Variants in LNX1 observed in about 807,000 individuals in gnomAD.
The protein encoded by LNX1 is E3 ubiquitin-protein ligase LNX.
Under a neutral mutation model 68.4 loss-of-function variants are expected in LNX1, and 54 were observed. The observed-to-expected ratio is 0.79, with a 90% CI of 0.63 to 0.99. The LOEUF is 0.99. Ranked by LOEUF, LNX1 falls within the 50% of genes least tolerant of loss-of-function variation. The pLI, the probability that LNX1 is intolerant of heterozygous loss-of-function variation, is 0.00. For missense variants in LNX1, 906 were observed against 926.4 expected (o/e 0.98, Z 0.29); for synonymous variants, 336 against 350.0 (o/e 0.96, Z 0.45).
At chr4:53,571,017 A>G (rs1731125675) in intron 2 of LNX1, among the ~76,000 whole-genome samples, 1 of 148,928 alleles carries the variant, frequency 6.7e-6, no homozygotes. Context: ...ACAGAGCCAG[A>G]CTCCGTCTAA....
intron 2 of LNX1, among the ~76,000 whole-genome samples, chr4:53,509,309 A>C (rs2109524965): frequency 6.6e-6 from 1 of 152,320 alleles, no homozygotes; most frequent in South Asian, 2.1e-4. Context: ...TCATTACTCA[A>C]AACCCTATAT....
rs77692430 is a variant in LNX1 at position 53,578,348 on chromosome 4, G to A, written c.-86-4260C>T. Among the ~76,000 whole-genome samples, 1,353 of 152,212 alleles carry A rather than the reference G, an allele frequency of 8.9e-3. 19 individuals carry two copies. Among genetic ancestry groups the A allele is most frequent in the African/African-American group, 0.026 (1,068 of 41,538 alleles). On this transcript the variant is annotated intron_variant, in intron 1 of 10. Transcript: ENST00000263925. ...AGAGTGCACTTACACACACCTTCACGGTATAGCTGACTATACACCATATAG... is the reference window on the plus strand; with the variant it reads ...AGAGTGCACTTACACACACCTTCACAGTATAGCTGACTATACACCATATAG...
intron 2 of LNX1, among the ~76,000 whole-genome samples, chr4:53,571,994 T>C (rs1157448005): frequency 2.0e-5 from 3 of 152,178 alleles, no homozygotes; most frequent in Non-Finnish European, 4.4e-5. Flanking sequence ...AGTTTGTGAT[T>C]TGTTACAGCA....
chr4:53,556,883 C>CTGAACTCTA (rs1304465076), intron 2 of LNX1, among the ~76,000 whole-genome samples: 5 of 152,214 alleles, frequency 3.3e-5, no homozygotes, highest in Admixed American at 3.3e-4. Flanking sequence ...CTTTTCTGAT[C>CTGAACTCTA]TGAACTCTAT....
intron 2 of LNX1, among the ~76,000 whole-genome samples, chr4:53,518,866 C>A (rs959683402): frequency 6.6e-6 from 1 of 152,156 alleles, no homozygotes; most frequent in African/African-American, 2.4e-5. Context: ...ACCTTATATT[C>A]TTTATAGACC....
At chr4:53,557,788 A>G in intron 2 of LNX1, 3 of 1,443,342 alleles carry the variant, frequency 2.1e-6, no homozygotes, top group Non-Finnish European at 2.9e-6. Flanking sequence ...TTTAAAATGG[A>G]TATATCAGCT....
upstream of LNX1, among the ~76,000 whole-genome samples, chr4:53,621,106 C>T (rs921554107): frequency 9.2e-5 from 14 of 152,242 alleles, no homozygotes; most frequent in South Asian, 2.1e-4. Flanking sequence ...GGTGACATCA[C>T]CTGGGAGCTT....
intron 1 of LNX1, chr4:53,575,735 G>C (rs540910813): frequency 1.4e-4 from 207 of 1,511,622 alleles, no homozygotes; most frequent in Non-Finnish European, 1.8e-4. Flanking sequence ...GGGGGCCACA[G>C]CTCTGTATTG....
chr4:53,520,891 G>A (rs1179108398), intron 2 of LNX1, among the ~76,000 whole-genome samples: 3 of 152,218 alleles, frequency 2.0e-5, no homozygotes, highest in Admixed American at 6.5e-5. Flanking sequence ...GAACCCGGGA[G>A]GTGGAGGCTG....
chr4:53,536,217 C>G (rs1030390727), intron 2 of LNX1, among the ~76,000 whole-genome samples: 1 of 152,180 alleles, frequency 6.6e-6, no homozygotes, highest in Non-Finnish European at 1.5e-5. Flanking sequence ...AATACACTTC[C>G]CATATTCTCA....
intron 2 of LNX1, among the ~76,000 whole-genome samples, chr4:53,600,978 T>G (rs1389393811): frequency 1.3e-5 from 2 of 149,868 alleles, no homozygotes; most frequent in African/African-American, 2.5e-5. Context: ...CTCAGGAGGC[T>G]GAAGCAGGAG....
At chr4:53,610,676 C>T (rs1306744751) in intron 2 of LNX1, among the ~76,000 whole-genome samples, 2 of 144,814 alleles carry the variant, frequency 1.4e-5, no homozygotes, top group East Asian at 4.3e-4. Flanking sequence ...CCACTGTACT[C>T]CAGCCTGGGC....
At chr4:53,629,849 T>C (rs1734205326) in intron 1 of LNX1, among the ~76,000 whole-genome samples, 1 of 152,162 alleles carries the variant, frequency 6.6e-6, no homozygotes, top group South Asian at 2.1e-4. Context: ...AGGTACGCCT[T>C]GGTTTGATTT....
rs1254000633 is a variant in LNX1, at chr4:53,570,372, G to A, written c.380+3251C>T. On this transcript the variant is annotated intron_variant, in intron 2 of 10. Transcript: ENST00000263925. ...AGTTCATGTCCTTTGTAGGGACATGGATGAAATTGGAAACCATCATTCTCA... is the reference window on the plus strand; with the variant it reads ...AGTTCATGTCCTTTGTAGGGACATGAATGAAATTGGAAACCATCATTCTCA... 9.4e-5 allele frequency among the ~76,000 whole-genome samples: 14 copies of A among 149,390 alleles called. No homozygotes were observed. The East Asian group carries it at 2.7e-3, about 29-fold the overall frequency.
At chr4:53,589,170 G>T (rs371436665) in intron 1 of LNX1, among the ~76,000 whole-genome samples, 22 of 152,276 alleles carry the variant, frequency 1.4e-4, no homozygotes, top group African/African-American at 5.3e-4. Flanking sequence ...CATTTCCCCC[G>T]AAAGGCCCAT....
chr4:53,576,296 C>G, intron 1 of LNX1: 2 of 1,613,150 alleles, frequency 1.2e-6, no homozygotes, highest in South Asian at 1.1e-5. Flanking sequence ...GTCCCCATAG[C>G]CAAGTTCCAG....
rs746938533 is a variant in LNX1 at position 53,461,611 on chromosome 4, C to G, written c.1893-18G>C. 1.3e-6 allele frequency: 2 copies of G among 1,592,282 alleles called. No homozygotes were observed. The highest frequency in any genetic ancestry group is 1.7e-6 in the Non-Finnish European group (2 of 1,163,058). On this transcript the variant is annotated intron_variant, in intron 9 of 10. Coordinates refer to ENST00000263925, the MANE Select transcript of LNX1 (RefSeq NM_001126328.3). ...ACAAGCACCTGAAATAGAATGTAAT[C>G]AGTGTACATGCATATTTAAGTTTCA... is the stretch of plus-strand genomic sequence containing the variant.
At chr4:53,532,916 G>C (rs1371718255) in intron 2 of LNX1, among the ~76,000 whole-genome samples, 1 of 152,120 alleles carries the variant, frequency 6.6e-6, no homozygotes, top group African/African-American at 2.4e-5. Flanking sequence ...TCCTCCTCTG[G>C]GAGCCTGCTA....
intron 2 of LNX1, among the ~76,000 whole-genome samples, chr4:53,538,180 A>G (rs754306018): frequency 6.6e-6 from 1 of 152,238 alleles, no homozygotes; most frequent in Non-Finnish European, 1.5e-5. Context: ...AAGGAAACAC[A>G]CATGGCTTGA....
Sources: gnomAD v4.1 joint callset for allele counts (sites outside exome capture counted in the v4.1 genomes callset) on GRCh38, gnomAD v4.1.1 for gene constraint, MANE v1.5 for transcripts, NCBI Gene and HGNC (gene_info 2026-07-23, HGNC 2026-07-21) for gene names.